The following PRKCH variants were observed in gnomAD, a reference collection of about 807,000 sequenced individuals.
PRKCH encodes the protein protein kinase C eta type.
A neutral mutation model predicts 82.5 loss-of-function variants in PRKCH; 28 were observed. The ratio of observed to expected loss-of-function variants is 0.34; its 90% CI spans 0.25 to 0.47. The LOEUF is 0.47. Among genes scored for constraint, PRKCH ranks in the 20% least tolerant of loss-of-function variants. The pLI, the probability that PRKCH is intolerant of heterozygous loss-of-function variation, is 1.00. For synonymous variants in PRKCH, 322 were observed against 327.4 expected (o/e 0.98, Z 0.18); for missense variants, 705 against 881.8 (o/e 0.80, Z 2.54).
chr14:61,243,360 G>A (rs1174968508), intron 1 of PRKCH, among the ~76,000 whole-genome samples: 1 of 145,232 alleles, frequency 6.9e-6, no homozygotes, highest in African/African-American at 2.6e-5. Context: ...ATCGAGCCTG[G>A]GCGACAGAGA....
At chr14:61,348,225 G>T (rs546655209) in intron 1 of PRKCH, among the ~76,000 whole-genome samples, 3 of 152,190 alleles carry the variant, frequency 2.0e-5, no homozygotes, top group Non-Finnish European at 2.9e-5. Flanking sequence ...AGAGCAGGGG[G>T]CCAGAGAGAG....
intron 1 of PRKCH, among the ~76,000 whole-genome samples, chr14:61,324,577 T>C (rs949717119): frequency 6.6e-6 from 1 of 152,132 alleles, no homozygotes; most frequent in African/African-American, 2.4e-5. Context: ...TTTGGAAATA[T>C]ATGGAATGCA....
intron 1 of PRKCH, among the ~76,000 whole-genome samples, chr14:61,222,727 G>T (rs939729284): frequency 6.6e-6 from 1 of 152,172 alleles, no homozygotes; most frequent in Non-Finnish European, 1.5e-5. Flanking sequence ...CTGTTAGTTC[G>T]ACAATGGATA....
chr14:61,277,954 A>G (rs1049538521), intron 1 of PRKCH: 12 of 152,224 alleles, frequency 7.9e-5, no homozygotes, highest in African/African-American at 2.4e-4. Context: ...ATCATCGTTC[A>G]AAAGAATTCA....
chr14:61,540,989 C>G (rs2043176727), intron 12 of PRKCH, among the ~76,000 whole-genome samples: 1 of 152,256 alleles, frequency 6.6e-6, no homozygotes, highest in Non-Finnish European at 1.5e-5. Flanking sequence ...CATCCCACCC[C>G]CAGTGGACTG....
In PRKCH at chr14:61,280,922, A is replaced by G. The variant is rs1413566714; in HGVS notation, c.-19+93254A>G. The G allele has an allele frequency of 1.3e-6, 2 of 1,544,552 alleles. No homozygotes were observed. The highest frequency in any genetic ancestry group is 2.7e-5 in the African/African-American group (2 of 73,268). On this transcript the variant is annotated intron_variant, in intron 1 of 3. Transcript: ENST00000555185. This position sits in a 1 kb window ranked among gnomAD's most constrained non-coding sequence, Gnocchi z 5.0. ...TGGCCAGCCGCGGCGCACACCGAGC[A>G]GTTACCGGTGCCCGGGTCGCCTGTA...
In PRKCH at chr14:61,397,980, A is replaced by C. The variant is rs568250783; in HGVS notation, c.427+6692A>C. Among the ~76,000 whole-genome samples the C allele has an allele frequency of 1.2e-4, 18 of 152,330 alleles. No individual in the cohort carries two copies. The East Asian group carries it at 3.5e-3, about 29-fold the overall frequency. ...CTCTCACAGAGCTCAAGGCGTATAAAATTATCAACTGGATCAGAAACCCCT... is the reference window on the plus strand; with the variant it reads ...CTCTCACAGAGCTCAAGGCGTATAACATTATCAACTGGATCAGAAACCCCT... On this transcript the variant is annotated intron_variant, in intron 2 of 13. Coordinates refer to ENST00000332981, the MANE Select transcript of PRKCH (RefSeq NM_006255.5).
At position 61,280,680 on chromosome 14, in the gene PRKCH, G is replaced by T. The variant is rs1014206861; in HGVS notation, c.-19+93012G>T. On this transcript the variant is annotated intron_variant, in intron 1 of 3. Coordinates refer to the PRKCH transcript ENST00000555185. The surrounding 1 kb of genome is among the most constrained non-coding windows in gnomAD (Gnocchi z 5.0). ...TGGCGCCGCAGGGCGCGATGGGCAG[G>T]CCGGCCGCGCTGCGCTGGTAGGGGG... 1.9e-6 allele frequency: 3 copies of T among 1,574,528 alleles called. No individual in the cohort carries two copies. In the East Asian group the frequency reaches 7.0e-5, roughly 37 times the overall value.
At chr14:61,260,680 A>C (rs910913940) in intron 1 of PRKCH, among the ~76,000 whole-genome samples, 2 of 152,230 alleles carry the variant, frequency 1.3e-5, no homozygotes, top group Non-Finnish European at 2.9e-5. Flanking sequence ...ATGTTTGAAC[A>C]TCAATTAGTT....
At chr14:61,480,104 G>T (rs1009574592) in intron 9 of PRKCH, among the ~76,000 whole-genome samples, 12 of 152,186 alleles carry the variant, frequency 7.9e-5, no homozygotes, top group African/African-American at 2.7e-4. Context: ...AAAAGCCTCA[G>T]GTAAAGCTGT....
chr14:61,267,269 A>G (rs980595820), intron 1 of PRKCH, among the ~76,000 whole-genome samples: 5 of 152,232 alleles, frequency 3.3e-5, no homozygotes, highest in Non-Finnish European at 7.3e-5. Flanking sequence ...ATACTCACAT[A>G]CAATTCAGAT....
At chr14:61,317,225 CA>C (rs1316168178), upstream of PRKCH, among the ~76,000 whole-genome samples, 3 of 152,168 alleles carry the variant, frequency 2.0e-5, no homozygotes, top group Non-Finnish European at 2.9e-5. Context: ...CCATTCTAAA[CA>C]AGCCCTTCTT....
chr14:61,230,510 T>G (rs977669886), intron 1 of PRKCH, among the ~76,000 whole-genome samples: 7 of 152,188 alleles, frequency 4.6e-5, no homozygotes, highest in Admixed American at 2.0e-4. Flanking sequence ...TGAAAGCCAT[T>G]TGGGAGCAAC....
intron 10 of PRKCH, among the ~76,000 whole-genome samples, chr14:61,511,381 C>T (rs751009204): frequency 2.6e-5 from 4 of 152,090 alleles, no homozygotes; most frequent in Non-Finnish European, 5.9e-5. Flanking sequence ...GGGCAAAGGG[C>T]ACCCTGCCAG....
intron 1 of PRKCH, among the ~76,000 whole-genome samples, chr14:61,311,474 T>C (rs2045523296): frequency 6.6e-6 from 1 of 152,218 alleles, no homozygotes; most frequent in Admixed American, 6.5e-5. Context: ...CTCCAACCAT[T>C]CAACAAGTCT....
chr14:61,338,561 C>T (rs1290208768), intron 1 of PRKCH, among the ~76,000 whole-genome samples: 1 of 152,066 alleles, frequency 6.6e-6, no homozygotes, highest in Non-Finnish European at 1.5e-5. Flanking sequence ...TGGGAAAAAG[C>T]GAGACTGAAA....
At chr14:61,472,031 G>C (rs1407240297) in intron 9 of PRKCH, among the ~76,000 whole-genome samples, 3 of 152,174 alleles carry the variant, frequency 2.0e-5, no homozygotes, top group Non-Finnish European at 4.4e-5. Context: ...GCTCATTACA[G>C]CTGTTGGTGC....
chr14:61,228,849 G>A (rs895857393), intron 1 of PRKCH, among the ~76,000 whole-genome samples: 32 of 151,724 alleles, frequency 2.1e-4, no homozygotes, highest in Admixed American at 1.7e-3. Context: ...AAGACCAGCC[G>A]GGGCAACATA....
At chr14:61,416,552 T>G (rs140244220) in intron 2 of PRKCH, among the ~76,000 whole-genome samples, 120 of 152,236 alleles carry the variant, frequency 7.9e-4, no homozygotes, top group African/African-American at 1.3e-3. Flanking sequence ...TTGGCATATA[T>G]CTCCCAGCTT....
Sources: allele counts gnomAD v4.1 joint callset (sites outside exome capture counted in the v4.1 genomes callset), GRCh38; gene constraint gnomAD v4.1.1; non-coding constraint Gnocchi (gnomAD v3.1); transcripts MANE v1.5; gene names NCBI Gene and HGNC (gene_info 2026-07-23, HGNC 2026-07-21).